The following KNL1 variants were observed in gnomAD, a reference collection of about 807,000 sequenced individuals.
The protein encoded by KNL1 is outer kinetochore KNL1 complex subunit KNL1.
KNL1 carries 66 observed loss-of-function variants against 201.3 expected under a neutral mutation model. The observed-to-expected ratio is 0.33, with a 90% CI of 0.27 to 0.40. The LOEUF is 0.40. Among genes scored for constraint, KNL1 ranks in the 10% least tolerant of loss-of-function variants. The pLI, the probability that KNL1 is intolerant of heterozygous loss-of-function variation, is 1.00. For missense variants in KNL1, 2,815 were observed against 2,690.5 expected (o/e 1.05, Z -1.02); for synonymous variants, 895 against 899.2 (o/e 1.00, Z 0.08).
At chr15:40,646,878 A>AT in intron 16 of KNL1, 109 bp from the exon 17 acceptor site, 2 of 447,444 alleles carry the variant, frequency 4.5e-6, no homozygotes, top group Non-Finnish European at 8.3e-6. Context: ...AAAAAAAAAA[A>AT]GATTTGCCTG....
At position 40,623,075 on chromosome 15, in the gene KNL1, G is replaced by T; in HGVS notation, c.2811G>T (p.Arg937Ser). 1.2e-6 allele frequency: 2 copies of T among 1,613,928 alleles called. No individual in the cohort carries two copies. Among genetic ancestry groups the T allele is most frequent in the Non-Finnish European group, 1.7e-6 (2 of 1,179,892 alleles). The change falls in exon 10 of 26, where the codon AGG (arginine) becomes AGT (serine). Residue 937 changes from arginine to serine, a missense_variant. Around this residue, in one of 3 missense-constraint regions of KNL1, gnomAD observed 2,464 missense variants for 2,291.7 expected, o/e 1.08. Coordinates refer to ENST00000399668, the MANE Select transcript of KNL1 (RefSeq NM_144508.5). ...KTVSPDEITT[R>S]PMDKTVVFVD... is the part of the protein sequence containing the mutation. ...TCTCACCAGATGAAATAACTACTAG[G>T]CCTATGGACAAAACTGTAGTGTTTG...
intron 13 of KNL1, among the ~76,000 whole-genome samples, chr15:40,636,927 T>A (rs913055141): frequency 6.6e-6 from 1 of 152,188 alleles, no homozygotes; most frequent in African/African-American, 2.4e-5. Flanking sequence ...TCTATAAGTA[T>A]TTCAATATGT....
In KNL1 at chr15:40,622,654, T is replaced by C; in HGVS notation, c.2390T>C (p.Met797Thr). 4.4e-6 allele frequency: 7 copies of C among 1,591,694 alleles called. No homozygotes were observed. Among genetic ancestry groups the C allele is most frequent in the East Asian group, 2.2e-5 (1 of 44,802 alleles). Residue 797 changes from methionine to threonine, a missense_variant, in exon 10 of 26, where the codon ATG becomes ACG. Transcript: ENST00000399668. ...CACACTACTGGCCAGCTAACAACAATGAACAGACAGATAGCTGTAAAAGTT... is the reference window on the plus strand; with the variant it reads ...CACACTACTGGCCAGCTAACAACAACGAACAGACAGATAGCTGTAAAAGTT... ...LEHTTGQLTTMNRQIAVKVEK... is the reference protein window; with the variant it reads ...LEHTTGQLTTTNRQIAVKVEK...
intron 13 of KNL1, among the ~76,000 whole-genome samples, chr15:40,640,071 C>G (rs1464280586): frequency 2.1e-5 from 3 of 144,422 alleles, no homozygotes; most frequent in African/African-American, 7.7e-5. Flanking sequence ...TTTTTCTTTT[C>G]TTTTCTTTTT....
Position 40,615,175 on chromosome 15 carries a change from T to G in KNL1, c.285-166T>G, listed in dbSNP as rs536575797. On this transcript the variant is annotated intron_variant, in intron 7 of 25. Transcript: ENST00000399668. ...TGAGTCTTTTTTTAAAAAGATGTCT[T>G]TATAATTTTCTGCATTAGATGAGTC... is the stretch of plus-strand genomic sequence containing the variant. 2.6e-5 allele frequency among the ~76,000 whole-genome samples: 4 copies of G among 152,284 alleles called. No individual in the cohort carries two copies. The South Asian group carries it at 6.2e-4, about 24-fold the overall frequency.
At chr15:40,616,212 C>T (rs1465820091) in intron 8 of KNL1, among the ~76,000 whole-genome samples, 1 of 151,286 alleles carries the variant, frequency 6.6e-6, no homozygotes, top group African/African-American at 2.4e-5. Context: ...CAGCCTCTAC[C>T]TCCCGGGTTC....
Position 40,634,085 on chromosome 15 carries a change from TTTG to T in KNL1, c.5682+4732_5682+4734del, listed in dbSNP as rs549099539. On this transcript the variant is annotated intron_variant, in intron 13 of 25. Transcript: ENST00000399668. Reference sequence around the variant, plus strand: ...AATGTGTGTGTTTGTATTTTAGGTTTTTGTTGTTGTTGTTGTTGTTTGTTTGTT... The same window carrying T: ...AATGTGTGTGTTTGTATTTTAGGTTTTTGTTGTTGTTGTTGTTTGTTTGTT... Among the ~76,000 whole-genome samples the T allele has an allele frequency of 5.2e-3, 797 of 152,074 alleles. 4 individuals are homozygous for T. Among genetic ancestry groups the T allele is most frequent in the African/African-American group, 0.013 (550 of 41,490 alleles).
chr15:40,639,935 CGTG>C (rs1359101406), intron 13 of KNL1, among the ~76,000 whole-genome samples: 1 of 151,930 alleles, frequency 6.6e-6, no homozygotes, highest in African/African-American at 2.4e-5. Flanking sequence ...ATTAGCCAGG[CGTG>C]GTGACACATC....
chr15:40,634,232 A>G (rs1892993629), intron 13 of KNL1, among the ~76,000 whole-genome samples: 1 of 151,948 alleles, frequency 6.6e-6, no homozygotes, highest in South Asian at 2.1e-4. Flanking sequence ...TCAGCCTCCC[A>G]AATACCTGGG....
rs1423574789 is a variant in KNL1, at chr15:40,646,459, TAAAC to T, written c.6007-526_6007-523del. Among the ~76,000 whole-genome samples, 13 of 151,978 alleles carry T rather than the reference TAAAC, an allele frequency of 8.6e-5. 1 individual carries two copies. The highest frequency in any genetic ancestry group is 6.2e-4 in the South Asian group (3 of 4,834). ...AAAATATTTTATTAAATTTATAAAA[TAAAC>T]ATTTTATTTTCCAGAGTTCTTTTGG... On this transcript the variant is annotated intron_variant, in intron 16 of 25. Transcript: ENST00000399668.
intron 17 of KNL1, among the ~76,000 whole-genome samples, chr15:40,649,021 A>G (rs2141756173): frequency 6.9e-6 from 1 of 145,478 alleles, no homozygotes; most frequent in South Asian, 2.2e-4. Context: ...TATTTTTAGT[A>G]GAGACGGGGT....
chr15:40,625,423 C>T lies in KNL1; in HGVS notation c.5159C>T (p.Pro1720Leu), dbSNP rs763071201. ...AATGAGGAAAATCTTCCTGTATATC[C>T]TGATGAGATCAATTCTTCAGACTCT... ...YINEENLPVY[P>L]DEINSSDSIN... Residue 1720 changes from proline to leucine, a missense_variant, in exon 10 of 26, where the codon CCT becomes CTT. Physicochemically the swap from Pro to Leu is moderately conservative, Grantham distance 98. Transcript: ENST00000399668. The T allele has an allele frequency of 6.2e-7, 1 of 1,613,884 alleles. No individual in the cohort carries two copies. Among genetic ancestry groups the T allele is most frequent in the Non-Finnish European group, 8.5e-7 (1 of 1,179,908 alleles).
intron 22 of KNL1, among the ~76,000 whole-genome samples, chr15:40,656,373 C>T (rs1893732787): frequency 6.6e-6 from 1 of 151,932 alleles, no homozygotes; most frequent in African/African-American, 2.4e-5. Context: ...GCGGAGGTTG[C>T]AGTGAGCTGA....
In KNL1 at chr15:40,622,403, T is replaced by C; in HGVS notation, c.2139T>C (p.His713=). The change falls in exon 10 of 26, where the codon CAT becomes CAC. Residue 713 remains histidine (H), a synonymous_variant. Transcript: ENST00000399668. The stretch of plus-strand genomic sequence containing the variant: ...CAGGACAGTTCTCTATGAAAAATCA[T>C]GATACTGCTATAAGTAGTCATACAG... ...FSSGQFSMKN[H]DTAISSHTVK... is the part of the protein sequence containing the mutation. The C allele has an allele frequency of 6.2e-7, 1 of 1,613,812 alleles. No homozygotes were observed.
At chr15:40,614,794 T>A (rs1182698651) in intron 7 of KNL1, among the ~76,000 whole-genome samples, 1 of 152,240 alleles carries the variant, frequency 6.6e-6, no homozygotes, top group African/African-American at 2.4e-5. Flanking sequence ...ACTTGAGTGG[T>A]TTCTTTCATG....
At chr15:40,631,951 G>A (rs890252989) in intron 13 of KNL1, among the ~76,000 whole-genome samples, 2 of 150,930 alleles carry the variant, frequency 1.3e-5, no homozygotes, top group Admixed American at 1.3e-4. Context: ...CAAGGCTGCA[G>A]TGAGCTATGA....
rs1893581767 is a variant in KNL1 at position 40,652,065 on chromosome 15, T to C, written c.6375T>C (p.Tyr2125=). 6.2e-7 allele frequency: 1 copy of C among 1,613,924 alleles called. No individual in the cohort carries two copies. The highest frequency in any genetic ancestry group is 8.5e-7 in the Non-Finnish European group (1 of 1,179,866). Residue 2125 remains tyrosine (Y), a synonymous_variant, in exon 21 of 26, where the codon TAT becomes TAC. Coordinates refer to ENST00000399668, the MANE Select transcript of KNL1 (RefSeq NM_144508.5). ...ATCAAGCTGTATTCACCTTTGTTTA[T>C]GACACGATACAACTCACCATCACCT... The part of the protein sequence containing the change: ...SDDQAVFTFV[Y]DTIQLTITFE...
chr15:40,660,940 G>A (rs550346305), intron 25 of KNL1, among the ~76,000 whole-genome samples: 1 of 152,312 alleles, frequency 6.6e-6, no homozygotes, highest in East Asian at 1.9e-4. Flanking sequence ...TCCAGCCTGG[G>A]TGACAGAACC....
chr15:40,657,117 A>G lies in KNL1; in HGVS notation c.6560A>G (p.Lys2187Arg), dbSNP rs1418951040. The change falls in exon 23 of 26, where the codon AAG (lysine) becomes AGG (arginine). Residue 2187 changes from lysine (K) to arginine (R), a missense_variant. Coordinates refer to ENST00000399668, the MANE Select transcript of KNL1 (RefSeq NM_144508.5). The part of the protein sequence containing the change: ...FQYVEEKESW[K>R]KTCTTQHQLP... ...TACGTTGAAGAAAAGGAATCCTGGA[A>G]GAAGACATGTACAACCCAGCATCAG... 6.2e-7 allele frequency: 1 copy of G among 1,610,164 alleles called. No homozygotes were observed. Among genetic ancestry groups the G allele is most frequent in the East Asian group, 2.2e-5 (1 of 44,824 alleles).
Sources: allele counts gnomAD v4.1 joint callset (sites outside exome capture counted in the v4.1 genomes callset), GRCh38; gene constraint gnomAD v4.1.1; regional missense constraint gnomAD v4.1.1; transcripts MANE v1.5; gene names NCBI Gene and HGNC (gene_info 2026-07-23, HGNC 2026-07-21).